The following ASIP variants were observed in gnomAD, a reference collection of about 807,000 sequenced individuals.
ASIP encodes agouti signaling protein.
Under a neutral mutation model 10.3 loss-of-function variants are expected in ASIP, and 11 were observed. The observed-to-expected ratio is 1.07, with a 90% CI of 0.68 to 1.78. The LOEUF (loss-of-function observed/expected upper bound fraction) is 1.78, where lower values mean the gene tolerates loss of function less well. Ranked by LOEUF, ASIP falls within the 40% of genes most tolerant of loss-of-function variation. The probability of loss-of-function intolerance (pLI) is 0.00; values close to 1 mark genes in which losing one functional copy is unlikely to be tolerated. For synonymous variants in ASIP, 70 were observed against 70.8 expected (o/e 0.99, Z 0.06); for missense variants, 180 against 169.2 (o/e 1.06, Z -0.35).
At chr20:34,215,392 C>T in intron 1 of ASIP, 2 of 1,564,590 alleles carry the variant, frequency 1.3e-6, no homozygotes, top group South Asian at 2.2e-5. Context: ...GAGAGTATTC[C>T]TGTGAGCCTC....
At chr20:34,214,586 G>T in intron 1 of ASIP, 3 of 1,360,938 alleles carry the variant, frequency 2.2e-6, no homozygotes, top group Non-Finnish European at 3.2e-6. Flanking sequence ...AAAACTCTGC[G>T]AACAGAGGCC....
At position 34,258,700 on chromosome 20, in the gene ASIP, A is replaced by AC. The variant is rs56017072; in HGVS notation, c.-10-1665_-10-1664insC. Among the ~76,000 whole-genome samples the AC allele has an allele frequency of 9.0e-5, 7 of 77,916 alleles. 1 individual carries two copies. Among genetic ancestry groups the AC allele is most frequent in the East Asian group, 1.0e-3 (2 of 1,924 alleles). 51.1% of individuals were successfully genotyped at this position (77,916 alleles called of 152,430 possible). ...ATATATATATATATATACATACTAT[A>AC]TATATATATTATATATATTATAAAA... On this transcript the variant is annotated intron_variant, in intron 1 of 3. Coordinates refer to ENST00000374954, the MANE Select transcript of ASIP (RefSeq NM_001672.3).
intron 3 of ASIP, 98 bp from the exon 4 acceptor site, chr20:34,268,893 G>T: frequency 6.8e-7 from 1 of 1,460,980 alleles, no homozygotes; most frequent in Non-Finnish European, 9.3e-7. Flanking sequence ...GGAAACCTCT[G>T]GTCCGGGATC....
At chr20:34,236,072 AAGAG>A (rs1183162596) in intron 1 of ASIP, among the ~76,000 whole-genome samples, 1 of 145,840 alleles carries the variant, frequency 6.9e-6, no homozygotes, top group African/African-American at 2.6e-5. Flanking sequence ...GAGAGAAAGA[AAGAG>A]AAAGAGAAGG....
chr20:34,236,742 C>T (rs995834007), upstream of ASIP, among the ~76,000 whole-genome samples: 1 of 152,080 alleles, frequency 6.6e-6, no homozygotes, highest in Non-Finnish European at 1.5e-5. Context: ...TATGCAAGTG[C>T]TGATACGAAG....
At chr20:34,258,818 T>C (rs2035636077) in intron 1 of ASIP, among the ~76,000 whole-genome samples, 1 of 119,366 alleles carries the variant, frequency 8.4e-6, no homozygotes, top group South Asian at 2.3e-4. Context: ...ATATATATAA[T>C]ACTATATATA....
chr20:34,265,578 C>T (rs1311033779), intron 3 of ASIP, among the ~76,000 whole-genome samples: 2 of 152,104 alleles, frequency 1.3e-5, no homozygotes, highest in Non-Finnish European at 2.9e-5. Context: ...CTAACCCCTG[C>T]ATTGTTCAAG....
intron 1 of ASIP, among the ~76,000 whole-genome samples, chr20:34,257,746 TA>T (rs2035598382): frequency 6.6e-6 from 1 of 152,210 alleles, no homozygotes; most frequent in Non-Finnish European, 1.5e-5. Flanking sequence ...CTTGTCTCAT[TA>T]GGACCCAGTC....
chr20:34,203,558 T>C lies in ASIP; in HGVS notation c.-11+8798T>C, dbSNP rs111745085. ...GATTACAGGCACCTGCCACCACACG[T>C]GGCTAATCTTTGCATTATTGTAGAG... On this transcript the variant is annotated intron_variant, in intron 1 of 3. Coordinates refer to the ASIP transcript ENST00000568305. 6.1e-3 allele frequency among the ~76,000 whole-genome samples: 892 copies of C among 145,934 alleles called. 13 individuals are homozygous for C. Among genetic ancestry groups the C allele is most frequent in the African/African-American group, 0.021 (825 of 39,450 alleles).
chr20:34,202,079 T>TAAAAAAA (rs200525186), intron 1 of ASIP, among the ~76,000 whole-genome samples: 1 of 139,510 alleles, frequency 7.2e-6, no homozygotes, highest in Non-Finnish European at 1.6e-5. Context: ...GATAAAATTG[T>TAAAAAAA]AAAAAAAAAA....
chr20:34,220,089 TAAAAA>T lies in ASIP; in HGVS notation c.-11+25337_-11+25341del, dbSNP rs555088035. On this transcript the variant is annotated intron_variant, in intron 1 of 3. Transcript: ENST00000568305. The stretch of plus-strand genomic sequence containing the variant: ...TGGGCGACAGAGCGAGACTCCATCT[TAAAAA>T]AAAAAAATGAACTTTATCTTCCAAA... Among the ~76,000 whole-genome samples the T allele has an allele frequency of 4.1e-3, 595 of 143,620 alleles. 2 individuals are homozygous for T. The highest frequency in any genetic ancestry group is 8.8e-3 in the Admixed American group (127 of 14,418). 94.2% of individuals were successfully genotyped at this position (143,620 alleles called of 152,430 possible).
intron 1 of ASIP, among the ~76,000 whole-genome samples, chr20:34,201,201 A>G (rs1245054249): frequency 1.3e-5 from 2 of 152,024 alleles, no homozygotes; most frequent in Admixed American, 6.6e-5. Context: ...TCTGATGGCC[A>G]CCGGAGTGCG....
chr20:34,236,803 G>A (rs928711418), upstream of ASIP, among the ~76,000 whole-genome samples: 1 of 152,150 alleles, frequency 6.6e-6, no homozygotes, highest in Non-Finnish European at 1.5e-5. Context: ...TATTTGCCTG[G>A]GAAAATCTTC....
At chr20:34,199,460 A>G (rs1028277123) in intron 1 of ASIP, among the ~76,000 whole-genome samples, 8 of 152,106 alleles carry the variant, frequency 5.3e-5, no homozygotes, top group Admixed American at 4.6e-4. Context: ...GTTTTTTCTT[A>G]CATCCTCATC....
At chr20:34,210,360 C>T (rs961629675) in intron 1 of ASIP, among the ~76,000 whole-genome samples, 2 of 152,242 alleles carry the variant, frequency 1.3e-5, no homozygotes, top group South Asian at 2.1e-4. Flanking sequence ...GGAGCCACCA[C>T]ATTCCCCAGT....
At chr20:34,264,001 A>T (rs2035742235) in intron 3 of ASIP, among the ~76,000 whole-genome samples, 1 of 152,112 alleles carries the variant, frequency 6.6e-6, no homozygotes, top group South Asian at 2.1e-4. Context: ...ATTTTTGAAG[A>T]TTGACAATTA....
intron 1 of ASIP, chr20:34,215,709 G>A: frequency 7.0e-7 from 1 of 1,435,762 alleles, no homozygotes. Flanking sequence ...TTAACTTGAT[G>A]TTCCAGTACT....
rs1334864104 is a variant in ASIP, at chr20:34,213,406, C to G, written c.-11+18646C>G. The G allele has an allele frequency of 6.8e-6, 5 of 730,766 alleles. No individual in the cohort carries two copies. In the South Asian group the frequency reaches 9.7e-5, roughly 14 times the overall value. 45.3% of individuals were successfully genotyped at this position (730,766 alleles called of 1,614,324 possible). A position where few individuals can be genotyped will look rare whatever the true frequency, so the allele number is the denominator to read the frequency against. On this transcript the variant is annotated intron_variant, in intron 1 of 3. Coordinates refer to the ASIP transcript ENST00000568305. Reference sequence around the variant, plus strand: ...GCCAGAGAGTGGAGTGTTGCTATAACCAACACCTGAAAAATGTGAAAGTGG... The same window carrying G: ...GCCAGAGAGTGGAGTGTTGCTATAAGCAACACCTGAAAAATGTGAAAGTGG...
rs1032902529 is a variant in ASIP, at chr20:34,269,095, C to A, written c.327C>A (p.Asp109Glu). ...SCKPPAPACC[D>E]PCASCQCRFF... ...AGCCGCCGGCACCCGCCTGCTGCGA[C>A]CCGTGCGCCTCCTGCCAGTGCCGCT... Residue 109 changes from aspartate (D) to glutamate (E), a missense_variant, in exon 4 of 4, where the codon GAC (aspartate) becomes GAA (glutamate). By Grantham distance (45) the Asp-to-Glu change is conservative. Coordinates refer to ENST00000374954, the MANE Select transcript of ASIP (RefSeq NM_001672.3). The A allele has an allele frequency of 2.6e-5, 41 of 1,573,226 alleles. No individual in the cohort carries two copies. Among genetic ancestry groups the A allele is most frequent in the Non-Finnish European group, 3.3e-5 (38 of 1,160,244 alleles).
Sources: allele counts gnomAD v4.1 joint callset (sites outside exome capture counted in the v4.1 genomes callset), GRCh38; gene constraint gnomAD v4.1.1; transcripts MANE v1.5; gene names NCBI Gene and HGNC (gene_info 2026-07-23, HGNC 2026-07-21).